The following LUC7L2 variants were observed in gnomAD, a reference collection of about 807,000 sequenced individuals.
LUC7L2 encodes the protein LUC7 like 2, pre-mRNA splicing factor.
A neutral mutation model predicts 52.8 loss-of-function variants in LUC7L2; 25 were observed. That is an observed-to-expected ratio of 0.47 (90% CI 0.34 to 0.66). LUC7L2 has a LOEUF of 0.66. LUC7L2 is among the 30% of genes least tolerant of loss of function. The pLI is 0.01. For missense variants in LUC7L2, 328 were observed against 497.8 expected (o/e 0.66, Z 3.25); for synonymous variants, 144 against 160.9 (o/e 0.89, Z 0.80).
intron 2 of LUC7L2, among the ~76,000 whole-genome samples, chr7:139,394,227 C>G (rs1794567554): frequency 6.6e-6 from 1 of 152,194 alleles, no homozygotes. Flanking sequence ...CCGCCCTGTG[C>G]CAAATGTTCT....
At chr7:139,386,362 C>T (rs566648528) in intron 2 of LUC7L2, among the ~76,000 whole-genome samples, 4 of 150,466 alleles carry the variant, frequency 2.7e-5, no homozygotes, top group African/African-American at 9.8e-5. Context: ...CAAAGAATTA[C>T]AAAATCTCTG....
intron 2 of LUC7L2, among the ~76,000 whole-genome samples, chr7:139,380,718 T>A (rs1800970676): frequency 6.6e-6 from 1 of 152,236 alleles, no homozygotes; most frequent in Non-Finnish European, 1.5e-5. Flanking sequence ...AAACTCACTG[T>A]AGGCAGTATG....
chr7:139,404,167 A>G (rs1416850458), intron 4 of LUC7L2, among the ~76,000 whole-genome samples: 1 of 152,190 alleles, frequency 6.6e-6, no homozygotes, highest in Non-Finnish European at 1.5e-5. Context: ...AGTAAAGACT[A>G]TTAATTAAAC....
At chr7:139,409,011 T>G (rs1212334544) in intron 6 of LUC7L2, among the ~76,000 whole-genome samples, 1 of 151,524 alleles carries the variant, frequency 6.6e-6, no homozygotes, top group Non-Finnish European at 1.5e-5. Context: ...AAAAATTAGC[T>G]GGGTGTGGTG....
At chr7:139,353,496 C>A (rs1413084209) in intron 1 of LUC7L2, among the ~76,000 whole-genome samples, 1 of 152,142 alleles carries the variant, frequency 6.6e-6, no homozygotes, top group African/African-American at 2.4e-5. Flanking sequence ...CATAGACATA[C>A]AGAGATTTTT....
At chr7:139,347,356 T>TCAAA (rs1799302146) in intron 1 of LUC7L2, among the ~76,000 whole-genome samples, 2 of 151,770 alleles carry the variant, frequency 1.3e-5, no homozygotes, top group East Asian at 1.9e-4. Flanking sequence ...GGGAAGCTGA[T>TCAAA]GTGGGCGGAT....
chr7:139,412,535 TA>T lies in LUC7L2; in HGVS notation c.780-15del, dbSNP rs774640999. 9 of 1,534,814 alleles carry T rather than the reference TA, an allele frequency of 5.9e-6. No homozygotes were observed. The highest frequency in any genetic ancestry group is 3.5e-5 in the South Asian group (3 of 85,252). ...TTATAGCCACTTTTCTAAAAATACA[TA>T]TTTTTTTTTTTTAGGTCCCGATCAC... On this transcript the variant is annotated splice_polypyrimidine_tract_variant and intron_variant, in intron 7 of 9. Coordinates refer to ENST00000354926, the MANE Select transcript of LUC7L2 (RefSeq NM_016019.5).
intron 9 of LUC7L2, among the ~76,000 whole-genome samples, chr7:139,420,861 C>T (rs1795871949): frequency 1.3e-5 from 2 of 152,096 alleles, no homozygotes; most frequent in East Asian, 1.9e-4. Context: ...TGCAGTAATG[C>T]GATCTGGGCT....
chr7:139,380,004 C>G (rs1800914559), intron 2 of LUC7L2, among the ~76,000 whole-genome samples: 1 of 150,106 alleles, frequency 6.7e-6, no homozygotes, highest in African/African-American at 2.4e-5. Context: ...ATGGTGAAAC[C>G]CCATCTCTAC....
At position 139,413,382 on chromosome 7, in the gene LUC7L2, T is replaced by G. The variant is rs576334791; in HGVS notation, c.809+802T>G. Among the ~76,000 whole-genome samples, 18 of 152,298 alleles carry G rather than the reference T, an allele frequency of 1.2e-4. 2 individuals carry two copies. Among genetic ancestry groups the G allele is most frequent in the African/African-American group, 4.1e-4 (17 of 41,562 alleles). On this transcript the variant is annotated intron_variant, in intron 8 of 9. Transcript: ENST00000354926. ...CTTTTCCAAATTCTACCATTCCTCTTGTTCAGATCACATCTTCTTTTAGAA... is the reference window on the plus strand; with the variant it reads ...CTTTTCCAAATTCTACCATTCCTCTGGTTCAGATCACATCTTCTTTTAGAA...
Position 139,398,584 on chromosome 7 carries a change from T to C in LUC7L2, c.157-15T>C. ...CTTTTTTTTGTTTTAATATTATGTC[T>C]TTTTTCCCTTCCAGAGAATGGATCT... On this transcript the variant is annotated splice_polypyrimidine_tract_variant and intron_variant, in intron 2 of 9. Coordinates refer to ENST00000354926, the MANE Select transcript of LUC7L2 (RefSeq NM_016019.5). The C allele has an allele frequency of 6.3e-7, 1 of 1,585,610 alleles. No homozygotes were observed. The highest frequency in any genetic ancestry group is 8.5e-7 in the Non-Finnish European group (1 of 1,171,260).
chr7:139,399,233 A>G (rs764736844), intron 3 of LUC7L2, among the ~76,000 whole-genome samples: 3 of 152,040 alleles, frequency 2.0e-5, no homozygotes, highest in Non-Finnish European at 4.4e-5. Context: ...CCCAAACATT[A>G]CAGTATAACT....
intron 2 of LUC7L2, among the ~76,000 whole-genome samples, chr7:139,395,512 G>A (rs979780976): frequency 5.3e-5 from 8 of 152,152 alleles, no homozygotes; most frequent in Non-Finnish European, 1.2e-4. Flanking sequence ...GCATGATGAG[G>A]ACTTTTATAA....
rs564493279 is a variant in LUC7L2 at position 139,346,241 on chromosome 7, C to CAAA, written c.-26+5738_-26+5740dup. On this transcript the variant is annotated intron_variant, in intron 1 of 10. Transcript: ENST00000541170. ...GGGCAACAAGAGCAAAACTCTGTCTCAAAAAAAAAAAAAAAATTAGTATAA... is the reference window on the plus strand; with the variant it reads ...GGGCAACAAGAGCAAAACTCTGTCTCAAAAAAAAAAAAAAAAAAATTAGTATAA... 520 of 124,024 alleles carry CAAA rather than the reference C, an allele frequency of 4.2e-3. 4 individuals are homozygous for CAAA. The highest frequency in any genetic ancestry group is 0.013 in the African/African-American group (489 of 36,390). 7.7% of individuals were successfully genotyped at this position (124,024 alleles called of 1,614,324 possible).
chr7:139,352,455 G>A (rs1003100359), intron 1 of LUC7L2, among the ~76,000 whole-genome samples: 9 of 152,138 alleles, frequency 5.9e-5, no homozygotes, highest in Non-Finnish European at 1.2e-4. Context: ...CCATGTTTGC[G>A]CCACTGCATT....
chr7:139,341,606 T>C lies in LUC7L2; in HGVS notation c.-26+1089T>C, dbSNP rs575856755. On this transcript the variant is annotated intron_variant, in intron 1 of 10. Coordinates refer to the LUC7L2 transcript ENST00000541170. The stretch of plus-strand genomic sequence containing the variant: ...GGGCTAGGGTGGGGAGCACGGTGTT[T>C]AATTCCTGCATTTCTGAGGCCAACC... The C allele has an allele frequency of 2.2e-5, 34 of 1,540,986 alleles. No individual in the cohort carries two copies. In the African/African-American group the frequency reaches 4.3e-4, roughly 20 times the overall value.
At chr7:139,399,449 A>ATTTTTTTTTTTTTTTTTTTTTT (rs71169090) in intron 3 of LUC7L2, among the ~76,000 whole-genome samples, 1 of 50,458 alleles carries the variant, frequency 2.0e-5, no homozygotes, top group Non-Finnish European at 3.8e-5. Context: ...TGTTTGGGGG[A>ATTTTTTTTTTTTTTTTTTTTTT]TTTTTTTTTT....
At chr7:139,383,715 C>G (rs1794061226) in intron 2 of LUC7L2, among the ~76,000 whole-genome samples, 1 of 146,672 alleles carries the variant, frequency 6.8e-6, no homozygotes, top group Non-Finnish European at 1.5e-5. Flanking sequence ...CGCGCCCGGC[C>G]TTGATGTCTT....
chr7:139,384,706 C>T (rs1424479793), intron 2 of LUC7L2, among the ~76,000 whole-genome samples: 2 of 152,010 alleles, frequency 1.3e-5, no homozygotes, highest in Admixed American at 6.6e-5. Flanking sequence ...AAACGGGGTA[C>T]TCACGCCCTT....
Sources: allele counts gnomAD v4.1 joint callset (sites outside exome capture counted in the v4.1 genomes callset), GRCh38; gene constraint gnomAD v4.1.1; transcripts MANE v1.5; gene names NCBI Gene and HGNC (gene_info 2026-07-23, HGNC 2026-07-21).